Variants in SUMF1 observed in about 807,000 individuals in gnomAD.
The protein encoded by SUMF1 is formylglycine-generating enzyme.
In SUMF1, 48 loss-of-function variants were observed where a neutral mutation model predicts 47.6. That is an observed-to-expected ratio of 1.01 (90% CI 0.80 to 1.28). The LOEUF is 1.28. Among genes scored for constraint, SUMF1 ranks in the 50% most tolerant of loss-of-function variants. The pLI is 0.00. For synonymous variants in SUMF1, 230 were observed against 192.1 expected, an observed-to-expected ratio of 1.20 and a Z score of -1.63; for missense variants, 571 against 485.4, an observed-to-expected ratio of 1.18 and a Z score of -1.66.
At chr3:4,065,580 A>C (rs542332662) in intron 9 of SUMF1, among the ~76,000 whole-genome samples, 2 of 152,110 alleles carry the variant, frequency 1.3e-5, no homozygotes, top group Admixed American at 6.6e-5. Context: ...CACATACATT[A>C]TCTCATTTAT....
chr3:4,401,490 C>T (rs794191), intron 7 of SUMF1, among the ~76,000 whole-genome samples: 36,175 of 152,044 alleles, frequency 0.24, 5,654 homozygotes, highest in Non-Finnish European at 0.34. Flanking sequence ...CCATCACTGC[C>T]TACTTTCCAA....
At chr3:4,303,881 G>A (rs1394488588) in intron 8 of SUMF1, 4 of 1,274,950 alleles carry the variant, frequency 3.1e-6, no homozygotes, top group Admixed American at 2.7e-5. Context: ...AGGATAAGCC[G>A]TGGGGCCTAT....
intron 8 of SUMF1, among the ~76,000 whole-genome samples, chr3:4,135,123 G>T (rs1187028963): frequency 2.0e-5 from 3 of 152,128 alleles, no homozygotes; most frequent in African/African-American, 7.2e-5. Context: ...CTCATTTGAT[G>T]ATGCCAGCAT....
chr3:4,091,145 G>A (rs1055840525), intron 8 of SUMF1, among the ~76,000 whole-genome samples: 10 of 151,318 alleles, frequency 6.6e-5, no homozygotes, highest in African/African-American at 2.4e-4. Flanking sequence ...GTAGAAGTTT[G>A]GTGATGTTTT....
At chr3:4,128,659 G>A (rs1411150731) in intron 8 of SUMF1, among the ~76,000 whole-genome samples, 1 of 152,120 alleles carries the variant, frequency 6.6e-6, no homozygotes, top group Non-Finnish European at 1.5e-5. Context: ...CCATGAAAAG[G>A]TGTGCTACAC....
chr3:4,128,535 G>T (rs1023779962), intron 8 of SUMF1, among the ~76,000 whole-genome samples: 4 of 152,088 alleles, frequency 2.6e-5, no homozygotes, highest in African/African-American at 9.7e-5. Flanking sequence ...TGAGGCAGCT[G>T]CCAGGCAAGA....
intron 8 of SUMF1, among the ~76,000 whole-genome samples, chr3:4,231,704 T>C (rs1455522264): frequency 1.3e-5 from 2 of 152,130 alleles, no homozygotes; most frequent in South Asian, 2.1e-4. Context: ...TAGCCCTTCA[T>C]GTTGGAAAAA....
chr3:4,170,973 C>T (rs1224031769), intron 8 of SUMF1, among the ~76,000 whole-genome samples: 4 of 152,142 alleles, frequency 2.6e-5, no homozygotes, highest in African/African-American at 9.7e-5. Context: ...AAGAAGGTGG[C>T]AATGTAGTGC....
chr3:4,442,727 G>A (rs948928326), intron 3 of SUMF1, among the ~76,000 whole-genome samples: 1 of 151,626 alleles, frequency 6.6e-6, no homozygotes, highest in Non-Finnish European at 1.5e-5. Context: ...GGAGGCCATC[G>A]TTTAAACACT....
intron 8 of SUMF1, among the ~76,000 whole-genome samples, chr3:4,333,664 AC>A (rs1433215151): frequency 3.3e-5 from 5 of 151,988 alleles, no homozygotes; most frequent in Non-Finnish European, 4.4e-5. Flanking sequence ...GGACAACTCA[AC>A]CCCAATCAGC....
intron 9 of SUMF1, among the ~76,000 whole-genome samples, chr3:4,060,560 C>T (rs141779746): frequency 7.2e-5 from 11 of 152,266 alleles, no homozygotes; most frequent in African/African-American, 2.2e-4. Context: ...GGTAGGACCC[C>T]ATATTCAAAC....
intron 8 of SUMF1, among the ~76,000 whole-genome samples, chr3:4,343,993 A>G (rs1699322952): frequency 6.6e-6 from 1 of 152,276 alleles, no homozygotes; most frequent in Non-Finnish European, 1.5e-5. Context: ...CAAGATATAC[A>G]AAATAAATTA....
At chr3:4,212,120 G>A (rs530099306) in intron 8 of SUMF1, among the ~76,000 whole-genome samples, 2 of 152,186 alleles carry the variant, frequency 1.3e-5, no homozygotes, top group East Asian at 1.9e-4. Context: ...CCTGACCGCC[G>A]TGTATCCTGA....
At chr3:4,213,244 T>C (rs948256218) in intron 8 of SUMF1, among the ~76,000 whole-genome samples, 1 of 151,614 alleles carries the variant, frequency 6.6e-6, no homozygotes, top group Non-Finnish European at 1.5e-5. Context: ...CAGAAGAGAG[T>C]GGGGGCCAAT....
At chr3:4,326,803 A>C (rs1158155438) in intron 8 of SUMF1, among the ~76,000 whole-genome samples, 1 of 151,982 alleles carries the variant, frequency 6.6e-6, no homozygotes. Context: ...TTACAGACAT[A>C]AGCCACCATG....
At chr3:4,438,884 T>C (rs990533541) in intron 3 of SUMF1, among the ~76,000 whole-genome samples, 5 of 152,210 alleles carry the variant, frequency 3.3e-5, no homozygotes, top group South Asian at 4.1e-4. Flanking sequence ...TTATGAAAGT[T>C]GACCCCTGGT....
At chr3:4,312,812 G>C in intron 8 of SUMF1, 1 of 1,474,316 alleles carries the variant, frequency 6.8e-7, no homozygotes, top group Non-Finnish European at 9.1e-7. Context: ...GTTAGAATTA[G>C]AATGGGTCCC....
chr3:4,410,810 G>T, intron 7 of SUMF1, 55 bp downstream of exon 7: 14 of 1,494,430 alleles, frequency 9.4e-6, no homozygotes, highest in Non-Finnish European at 1.3e-5. Flanking sequence ...GCTGCAGACT[G>T]CCCAGAGGAC....
chr3:4,097,526 C>T (rs912398277), intron 8 of SUMF1, among the ~76,000 whole-genome samples: 1 of 152,058 alleles, frequency 6.6e-6, no homozygotes, highest in African/African-American at 2.4e-5. Flanking sequence ...GCACTCCAGC[C>T]TGGGTGACAT....
Sources: gnomAD v4.1 joint callset for allele counts (sites outside exome capture counted in the v4.1 genomes callset) on GRCh38, gnomAD v4.1.1 for gene constraint, MANE v1.5 for transcripts, NCBI Gene and HGNC (gene_info 2026-07-23, HGNC 2026-07-21) for gene names.